The following INTS10 variants were observed in gnomAD, a reference collection of about 807,000 sequenced individuals.
INTS10 encodes chromosome 8 open reading frame 35.
In INTS10, 44 loss-of-function variants were observed where a neutral mutation model predicts 94.4. The observed-to-expected ratio is 0.47, with a 90% CI of 0.37 to 0.60. INTS10 has a LOEUF of 0.60. Ranked by LOEUF, INTS10 falls within the 20% of genes least tolerant of loss-of-function variation. The pLI, the probability that INTS10 is intolerant of heterozygous loss-of-function variation, is 0.00. For synonymous variants in INTS10, 341 were observed against 320.7 expected (o/e 1.06, Z -0.68); for missense variants, 797 against 868.7 (o/e 0.92, Z 1.04).
chr8:19,820,341 C>G, intron 3 of INTS10, 38 bp from the exon 4 acceptor site: 1 of 1,580,864 alleles, frequency 6.3e-7, no homozygotes, highest in East Asian at 2.3e-5. Flanking sequence ...CTTTTCTGTC[C>G]GCAAGAAACT....
intron 16 of INTS10, among the ~76,000 whole-genome samples, chr8:19,848,223 C>G (rs2068737214): frequency 6.6e-6 from 1 of 152,136 alleles, no homozygotes; most frequent in Non-Finnish European, 1.5e-5. Flanking sequence ...TTTGGGTGGT[C>G]CCTCCAGATG....
At chr8:19,824,088 G>T in intron 7 of INTS10, 44 bp downstream of exon 7, 3 of 1,482,328 alleles carry the variant, frequency 2.0e-6, no homozygotes, top group Non-Finnish European at 2.7e-6. Context: ...GATTCTTTTG[G>T]ATCCTTATAA....
chr8:19,817,449 C>CGGCGGCGGCGGTGGCTGCCGT lies in INTS10; in HGVS notation c.-82_-62dup. ...GCAGTAGCCTCCCCCGCGGTGGCGG[C>CGGCGGCGGCGGTGGCTGCCGT]GGCGGCGGCGGTGGCTGCCGTGGCG... is the stretch of plus-strand genomic sequence containing the variant. On this transcript the variant is annotated 5_prime_UTR_variant, in exon 1 of 17. Transcript: ENST00000397977. The CGGCGGCGGCGGTGGCTGCCGT allele has an allele frequency of 6.6e-7, 1 of 1,507,178 alleles. No homozygotes were observed. Among genetic ancestry groups the CGGCGGCGGCGGTGGCTGCCGT allele is most frequent in the South Asian group, 1.3e-5 (1 of 79,726 alleles). The allele number at this position is 1,507,178 out of a possible 1,614,324, so 93.4% of individuals were successfully genotyped here. A position where few individuals can be genotyped will look rare whatever the true frequency, so the allele number is the denominator to read the frequency against.
chr8:19,850,156 A>G (rs2068911025), intron 16 of INTS10, among the ~76,000 whole-genome samples: 1 of 151,378 alleles, frequency 6.6e-6, no homozygotes. Context: ...AAAGAAAGAA[A>G]GAAAAAAAAA....
chr8:19,851,903 C>A lies in INTS10; in HGVS notation c.*98C>A. ...TGGCACAGAGCCGTGGTCATTGTTG[C>A]TGTTACAAAGAAGAAAACCATCTGA... On this transcript the variant is annotated 3_prime_UTR_variant, in exon 17 of 17. Coordinates refer to ENST00000397977, the MANE Select transcript of INTS10 (RefSeq NM_018142.4). The surrounding 1 kb of genome is among the most constrained non-coding windows in gnomAD (Gnocchi z 5.0). 9.1e-7 allele frequency: 1 copy of A among 1,098,146 alleles called. No homozygotes were observed. Among genetic ancestry groups the A allele is most frequent in the South Asian group, 1.6e-5 (1 of 63,940 alleles). 68.0% of individuals were successfully genotyped at this position (1,098,146 alleles called of 1,614,324 possible).
At chr8:19,832,210 C>G in intron 11 of INTS10, 100 bp downstream of exon 11, 1 of 719,672 alleles carries the variant, frequency 1.4e-6, no homozygotes, top group Non-Finnish European at 2.6e-6. Flanking sequence ...CCCTCTTGGG[C>G]TAGTCCACTG....
At chr8:19,847,112 A>G (rs1173881747) in intron 16 of INTS10, among the ~76,000 whole-genome samples, 1 of 152,210 alleles carries the variant, frequency 6.6e-6, no homozygotes, top group Non-Finnish European at 1.5e-5. Flanking sequence ...GGTAGCAAAC[A>G]TTTCTTTTTG....
In INTS10 at chr8:19,851,712, G is replaced by C; in HGVS notation, c.2040G>C (p.Glu680Asp). 6.2e-7 allele frequency: 1 copy of C among 1,613,986 alleles called. No homozygotes were observed. Among genetic ancestry groups the C allele is most frequent in the Non-Finnish European group, 8.5e-7 (1 of 1,179,852 alleles). Residue 680 changes from glutamate to aspartate, a missense_variant, in exon 17 of 17, where the codon GAG (glutamate) becomes GAC (aspartate). Glu to Asp is a conservative substitution (Grantham distance 45). Transcript: ENST00000397977. This position sits in a 1 kb window ranked among gnomAD's most constrained non-coding sequence, Gnocchi z 5.0. ...AGGAGGACTTTCGCCTGGCCATGGAGCGCCAGGTCTCCCGCTGTGGAGAGA... is the reference window on the plus strand; with the variant it reads ...AGGAGGACTTTCGCCTGGCCATGGACCGCCAGGTCTCCCGCTGTGGAGAGA... The part of the protein sequence containing the change: ...GVKEDFRLAM[E>D]RQVSRCGENL...
At chr8:19,845,051 C>A (rs566931353) in intron 15 of INTS10, among the ~76,000 whole-genome samples, 1 of 152,054 alleles carries the variant, frequency 6.6e-6, no homozygotes, top group Non-Finnish European at 1.5e-5. Context: ...GTGTGCACTA[C>A]CATACCAGGC....
chr8:19,825,103 G>T, intron 8 of INTS10, 131 bp downstream of exon 8: 1 of 735,746 alleles, frequency 1.4e-6, no homozygotes. Flanking sequence ...TTTTATAGTT[G>T]GCGATTTAGT....
At chr8:19,819,155 C>G (rs2066171649) in intron 2 of INTS10, among the ~76,000 whole-genome samples, 1 of 152,116 alleles carries the variant, frequency 6.6e-6, no homozygotes, top group African/African-American at 2.4e-5. Flanking sequence ...TAGTTCTTGT[C>G]ACTGTGATAG....
intron 13 of INTS10, chr8:19,841,907 A>G: frequency 2.2e-6 from 1 of 453,494 alleles, no homozygotes; most frequent in Non-Finnish European, 4.4e-6. Flanking sequence ...TCAGACAAGA[A>G]GAGAGACTGT....
At chr8:19,831,885 A>G in intron 10 of INTS10, 143 bp from the exon 11 acceptor site, 1 of 632,674 alleles carries the variant, frequency 1.6e-6, no homozygotes, top group Admixed American at 2.4e-5. Flanking sequence ...TTGAAATTCT[A>G]GAGCAGTGTG....
At chr8:19,824,651 A>C (rs1401520404) in intron 7 of INTS10, 152 bp from the exon 8 acceptor site, 4 of 543,618 alleles carry the variant, frequency 7.4e-6, no homozygotes, top group African/African-American at 5.9e-5. Flanking sequence ...TCAGAAGGGA[A>C]AAGTTACCAT....
chr8:19,819,232 A>T (rs959006292), intron 2 of INTS10, among the ~76,000 whole-genome samples: 3 of 152,168 alleles, frequency 2.0e-5, no homozygotes, highest in Non-Finnish European at 4.4e-5. Flanking sequence ...AAGATTCAGT[A>T]TTGTTTCAAC....
chr8:19,836,924 TAGAG>T (rs1322495793), intron 12 of INTS10, 124 bp from the exon 13 acceptor site: 6 of 650,460 alleles, frequency 9.2e-6, no homozygotes, highest in Admixed American at 4.9e-5. Flanking sequence ...AATGATCACA[TAGAG>T]AGGTAGAAAT....
chr8:19,820,934 T>G (rs2066320999), intron 4 of INTS10: 1 of 154,354 alleles, frequency 6.5e-6, no homozygotes, highest in East Asian at 1.9e-4. Flanking sequence ...CGAGTGCTAT[T>G]GGCAGGCATG....
chr8:19,819,821 G>T (rs943150268), intron 3 of INTS10, 145 bp downstream of exon 3: 2 of 603,888 alleles, frequency 3.3e-6, no homozygotes, highest in South Asian at 2.4e-5. Context: ...AATGTCACTC[G>T]GTTCCTTGAC....
chr8:19,844,073 C>A lies in INTS10; in HGVS notation c.1720-3C>A, dbSNP rs757338761. The A allele has an allele frequency of 3.8e-6, 6 of 1,580,242 alleles. No individual in the cohort carries two copies. Among genetic ancestry groups the A allele is most frequent in the Non-Finnish European group, 8.6e-7 (1 of 1,163,578 alleles). ...CTGTCTTGTATAAATCTTTGTCTTG[C>A]AGCTTAGAGCTTTCACAGACAACAG... On this transcript the variant is annotated splice_polypyrimidine_tract_variant and splice_region_variant and intron_variant, in intron 14 of 16. Transcript: ENST00000397977.
Sources: allele counts gnomAD v4.1 joint callset (sites outside exome capture counted in the v4.1 genomes callset), GRCh38; gene constraint gnomAD v4.1.1; non-coding constraint Gnocchi (gnomAD v3.1); transcripts MANE v1.5; gene names NCBI Gene and HGNC (gene_info 2026-07-23, HGNC 2026-07-21).